PRIMA1: variants seen among roughly 807,000 people sequenced by gnomAD.
PRIMA1 encodes proline rich membrane anchor 1, also known as proline-rich membrane anchor 1.
PRIMA1 carries 7 observed loss-of-function variants against 17.5 expected under a neutral mutation model. That is an observed-to-expected ratio of 0.40 (90% CI 0.23 to 0.75). PRIMA1 has a LOEUF of 0.75. Ranked by LOEUF, PRIMA1 falls within the 30% of genes least tolerant of loss-of-function variation. The pLI, the probability that PRIMA1 is intolerant of heterozygous loss-of-function variation, is 0.37. For synonymous variants in PRIMA1, 97 were observed against 77.9 expected, an observed-to-expected ratio of 1.25 and a Z score of -1.29; for missense variants, 200 against 201.8, an observed-to-expected ratio of 0.99 and a Z score of 0.05.
intron 3 of PRIMA1, among the ~76,000 whole-genome samples, chr14:93,745,593 C>T (rs147059890): frequency 1.2e-3 from 188 of 152,356 alleles, no homozygotes; most frequent in African/African-American, 4.2e-3. Context: ...CCTCCTGGCT[C>T]AGGCCCCCAC....
rs540801542 is a variant in PRIMA1, at chr14:93,737,442, T to A, written c.230-72A>T. On this transcript the variant is annotated intron_variant, in intron 3 of 4. Coordinates refer to ENST00000393140, the MANE Select transcript of PRIMA1 (RefSeq NM_178013.4). Reference sequence around the variant, plus strand: ...ATGGCCAGTGACAGAGGTGGGACCATCATGGGTGACACCAACAGAGGCGTG... The same window carrying A: ...ATGGCCAGTGACAGAGGTGGGACCAACATGGGTGACACCAACAGAGGCGTG... 1.9e-6 allele frequency: 3 copies of A among 1,556,970 alleles called. No homozygotes were observed. The African/African-American group carries it at 4.1e-5, about 21-fold the overall frequency.
Position 93,720,259 on chromosome 14 carries a change from C to A in PRIMA1, c.*1185G>T, listed in dbSNP as rs1322672690. On this transcript the variant is annotated 3_prime_UTR_variant, in exon 5 of 5. Coordinates refer to ENST00000393140, the MANE Select transcript of PRIMA1 (RefSeq NM_178013.4). Reference sequence around the variant, plus strand: ...ACAGGGAAGGCTGCCACTTGGGAGACAGGCCAACAGGGCAGGGGTCACCAG... The same window carrying A: ...ACAGGGAAGGCTGCCACTTGGGAGAAAGGCCAACAGGGCAGGGGTCACCAG... The A allele has an allele frequency of 6.6e-6, 1 of 152,290 alleles. No homozygotes were observed. Among genetic ancestry groups the A allele is most frequent in the Non-Finnish European group, 1.5e-5 (1 of 68,066 alleles). The allele number at this position is 152,290 out of a possible 1,614,324, so 9.4% of individuals were successfully genotyped here.
At chr14:93,763,057 T>C (rs1032739399) in intron 3 of PRIMA1, among the ~76,000 whole-genome samples, 1 of 152,194 alleles carries the variant, frequency 6.6e-6, no homozygotes, top group Non-Finnish European at 1.5e-5. Context: ...ACTTGCTGCC[T>C]CCAGCACACT....
rs536946976 is a variant in PRIMA1, at chr14:93,720,048, G to A, written c.*1396C>T. 6.6e-6 allele frequency: 1 copy of A among 152,386 alleles called. No homozygotes were observed. Among genetic ancestry groups the A allele is most frequent in the African/African-American group, 2.4e-5 (1 of 41,576 alleles). The allele number at this position is 152,386 out of a possible 1,614,324, so 9.4% of individuals were successfully genotyped here. The stretch of plus-strand genomic sequence containing the variant: ...TGTAGCTTAAACACCTATCAGAGGA[G>A]CACACTGGAGGTTTAGGAGGCAAAC... On this transcript the variant is annotated 3_prime_UTR_variant, in exon 5 of 5. Transcript: ENST00000393140.
chr14:93,754,078 G>A (rs987857447), intron 3 of PRIMA1, among the ~76,000 whole-genome samples: 1 of 152,206 alleles, frequency 6.6e-6, no homozygotes, highest in African/African-American at 2.4e-5. Flanking sequence ...TTTTATGGAG[G>A]AAAATATTTA....
chr14:93,787,534 G>A lies in PRIMA1; in HGVS notation c.93+92C>T. ...TCTTCCGAGAACCAATCAGTGGGGT[G>A]GCTGCAAGAGGCCAGGGTCTCAGGA... On this transcript the variant is annotated intron_variant, in intron 2 of 4. Coordinates refer to ENST00000393140, the MANE Select transcript of PRIMA1 (RefSeq NM_178013.4). The A allele has an allele frequency of 2.0e-6, 3 of 1,509,646 alleles. No individual in the cohort carries two copies. The South Asian group carries it at 3.6e-5, about 18-fold the overall frequency. The allele number at this position is 1,509,646 out of a possible 1,614,324, so 93.5% of individuals were successfully genotyped here. A position where few individuals can be genotyped will look rare whatever the true frequency, so the allele number is the denominator to read the frequency against.
In PRIMA1 at chr14:93,787,742, G is replaced by C. The variant is rs1355503435; in HGVS notation, c.-24C>G. The C allele has an allele frequency of 6.5e-7, 1 of 1,540,494 alleles. No homozygotes were observed. The highest frequency in any genetic ancestry group is 1.2e-5 in the South Asian group (1 of 83,870). Reference sequence around the variant, plus strand: ...ATCTCGGCCAGCGGCGCCCGCTCCTGGGGCGAACTGTCAGGAGAGCAAGGC... The same window carrying C: ...ATCTCGGCCAGCGGCGCCCGCTCCTCGGGCGAACTGTCAGGAGAGCAAGGC... On this transcript the variant is annotated 5_prime_UTR_variant, in exon 2 of 5. Transcript: ENST00000393140.
intron 3 of PRIMA1, among the ~76,000 whole-genome samples, chr14:93,751,206 C>T (rs2076257440): frequency 6.6e-6 from 1 of 152,178 alleles, no homozygotes; most frequent in Admixed American, 6.5e-5. Flanking sequence ...GCCAGGGTGG[C>T]TATGCACAAG....
intron 3 of PRIMA1, among the ~76,000 whole-genome samples, chr14:93,757,634 TC>T (rs2076299569): frequency 6.6e-6 from 1 of 152,074 alleles, no homozygotes; most frequent in Non-Finnish European, 1.5e-5. Context: ...GCTGGCCTCT[TC>T]CTTGTGTGGA....
chr14:93,782,951 A>T (rs763394865), intron 2 of PRIMA1, among the ~76,000 whole-genome samples: 14 of 152,014 alleles, frequency 9.2e-5, no homozygotes, highest in Non-Finnish European at 4.4e-5. Context: ...CCTTTTTTTG[A>T]GACAGGGTTT....
In PRIMA1 at chr14:93,721,386, C is replaced by T; in HGVS notation, c.*58G>A. 1 of 1,151,918 alleles carries T rather than the reference C, an allele frequency of 8.7e-7. No homozygotes were observed. 71.4% of individuals were successfully genotyped at this position (1,151,918 alleles called of 1,614,324 possible). On this transcript the variant is annotated 3_prime_UTR_variant, in exon 5 of 5. Transcript: ENST00000393140. The stretch of plus-strand genomic sequence containing the variant: ...GTTAGCTCATGTCCACCTGCTTTCC[C>T]ATGTCCACCAGTGCCACCAAGGTGT...
At chr14:93,785,188 C>CAAAA (rs386382197) in intron 2 of PRIMA1, among the ~76,000 whole-genome samples, 30,081 of 109,630 alleles carry the variant, frequency 0.27, 5,554 homozygotes, top group Non-Finnish European at 0.4. Context: ...TCTTCTCTTT[C>CAAAA]AAAAAAAAAA....
intron 3 of PRIMA1, among the ~76,000 whole-genome samples, chr14:93,744,354 G>A (rs1356619406): frequency 6.6e-6 from 1 of 152,196 alleles, no homozygotes. Flanking sequence ...GGACACAAGG[G>A]CCGCCTCTCA....
intron 3 of PRIMA1, among the ~76,000 whole-genome samples, chr14:93,772,267 A>G (rs1885091747): frequency 6.6e-6 from 1 of 152,242 alleles, no homozygotes; most frequent in Non-Finnish European, 1.5e-5. Flanking sequence ...GTGACCTTTG[A>G]GGAGTCACTT....
In PRIMA1 at chr14:93,726,796, A is replaced by G. The variant is rs1274351411; in HGVS notation, c.360-5250T>C. On this transcript the variant is annotated intron_variant, in intron 4 of 4. Transcript: ENST00000393140. This position sits in a 1 kb window ranked among gnomAD's most constrained non-coding sequence, Gnocchi z 4.2. The stretch of plus-strand genomic sequence containing the variant: ...ACACACACAAACAATATACACATAC[A>G]CACATGTACTTCAACACACACACAA... Among the ~76,000 whole-genome samples the G allele has an allele frequency of 6.6e-6, 1 of 152,100 alleles. No individual in the cohort carries two copies. Among genetic ancestry groups the G allele is most frequent in the Non-Finnish European group, 1.5e-5 (1 of 68,016 alleles).
Position 93,755,362 on chromosome 14 carries a change from T to TA in PRIMA1, c.230-17993dup, listed in dbSNP as rs753074366. Among the ~76,000 whole-genome samples, 8 of 152,320 alleles carry TA rather than the reference T, an allele frequency of 5.3e-5. No homozygotes were observed. The East Asian group carries it at 9.7e-4, about 18-fold the overall frequency. Reference sequence around the variant, plus strand: ...GTGATGGGGGCCACCTTCTTTTTTTTACGAGCTGAATGGATGTACCACAAT... The same window carrying TA: ...GTGATGGGGGCCACCTTCTTTTTTTTAACGAGCTGAATGGATGTACCACAAT... On this transcript the variant is annotated intron_variant, in intron 3 of 4. Transcript: ENST00000393140.
At chr14:93,722,625 T>C (rs1025677665) in intron 4 of PRIMA1, among the ~76,000 whole-genome samples, 4 of 151,752 alleles carry the variant, frequency 2.6e-5, no homozygotes, top group African/African-American at 9.7e-5. Context: ...GAGGTGGTAT[T>C]GGTGGTGGTG....
In PRIMA1 at chr14:93,779,216, CGGCGGGGGCAGCGGGGGAGGGGG is replaced by C; in HGVS notation, c.166_188del (p.Pro56AlafsTer23). The C allele has an allele frequency of 2.4e-6, 1 of 414,880 alleles. No homozygotes were observed. The highest frequency in any genetic ancestry group is 9.2e-5 in the African/African-American group (1 of 10,826). The allele number at this position is 414,880 out of a possible 1,614,324, so 25.7% of individuals were successfully genotyped here. ...GTCTGGGAGGTGGCGGGGGTGGGGGCGGCGGGGGCAGCGGGGGAGGGGGCCGGCACTGGCAGACGTGTCGGCAG... is the reference window on the plus strand; with the variant it reads ...GTCTGGGAGGTGGCGGGGGTGGGGGCCCGGCACTGGCAGACGTGTCGGCAG... On this transcript the variant is annotated frameshift_variant, in exon 3 of 5. Coordinates refer to ENST00000393140, the MANE Select transcript of PRIMA1 (RefSeq NM_178013.4). LOFTEE classifies it high-confidence loss of function.
At chr14:93,777,247 A>C (rs1242887999) in intron 3 of PRIMA1, among the ~76,000 whole-genome samples, 1 of 152,160 alleles carries the variant, frequency 6.6e-6, no homozygotes, top group Non-Finnish European at 1.5e-5. Context: ...GAGGAGTCTC[A>C]CAGAGCCATA....
Sources: gnomAD v4.1 joint callset for allele counts (sites outside exome capture counted in the v4.1 genomes callset) on GRCh38, gnomAD v4.1.1 for gene constraint, Gnocchi (gnomAD v3.1) non-coding constraint, MANE v1.5 for transcripts, NCBI Gene and HGNC (gene_info 2026-07-23, HGNC 2026-07-21) for gene names.